ARSF: variants seen among roughly 807,000 people sequenced by gnomAD.
The protein encoded by ARSF is arylsulfatase F.
A neutral mutation model predicts 35.4 loss-of-function variants in ARSF; 33 were observed. The ratio of observed to expected loss-of-function variants is 0.93; its 90% CI spans 0.71 to 1.25. ARSF has a LOEUF of 1.25. Among genes scored for constraint, ARSF ranks in the 50% most tolerant of loss-of-function variants. The pLI, the probability that ARSF is intolerant of heterozygous loss-of-function variation, is 0.00. For synonymous variants in ARSF, 222 were observed against 193.1 expected (o/e 1.15, Z -1.24); for missense variants, 501 against 480.2 (o/e 1.04, Z -0.40).
At chrX:3,065,075 C>T (rs1182464349) in intron 1 of ARSF, among the ~76,000 whole-genome samples, 3 of 111,372 alleles carry the variant, frequency 2.7e-5, no homozygotes, top group Non-Finnish European at 5.6e-5. Context: ...GAAAACCTGG[C>T]ACATAGACAC....
intron 1 of ARSF, among the ~76,000 whole-genome samples, chrX:3,044,428 G>C (rs2089966933): frequency 9.0e-6 from 1 of 111,461 alleles, no homozygotes. Flanking sequence ...AAGGGTCAAG[G>C]TGACAGCCTT....
At chrX:3,071,877 G>C (rs1380287991) in intron 2 of ARSF, 149 bp from the exon 3 acceptor site, 6 of 535,629 alleles carry the variant, frequency 1.1e-5, no homozygotes, top group South Asian at 3.1e-5. Flanking sequence ...AGCAGTGCTC[G>C]GTGCTTGGAG....
rs1194079332 is a variant in ARSF, at chrX:3,102,837, A to G, written c.1103-925A>G. On this transcript the variant is annotated intron_variant, in intron 8 of 10. Transcript: ENST00000381127. ...TGAGGCAGGAGAATGGCGTGAACCC[A>G]GGAGGCGGAGGTTGCAGTGAGCCGC... Among the ~76,000 whole-genome samples the G allele has an allele frequency of 1.9e-4, 21 of 110,359 alleles. No individual in the cohort carries two copies. The East Asian group carries it at 2.0e-3, about 11-fold the overall frequency.
rs1330167136 is a variant in ARSF, at chrX:3,084,534, G to T, written c.698G>T (p.Trp233Leu). The T allele has an allele frequency of 8.3e-7, 1 of 1,211,540 alleles. No individual in the cohort carries two copies. Among genetic ancestry groups the T allele is most frequent in the Admixed American group, 2.2e-5 (1 of 45,944 alleles). Residue 233 changes from tryptophan (W) to leucine (L), a missense_variant, in exon 6 of 11, where the codon TGG becomes TTG. Trp to Leu is a moderately conservative substitution (Grantham distance 61). Transcript: ENST00000381127. ...TTTATTTTCCTCTTGGGCTATGCTT[G>T]GTTCTCCAGCCACACGTCCCCTTTA... Reference protein sequence around the residue: ...ILFIFLLGYAWFSSHTSPLYW... With the variant: ...ILFIFLLGYALFSSHTSPLYW...
intron 1 of ARSF, among the ~76,000 whole-genome samples, chrX:3,067,153 TGTGC>T (rs1569134646): frequency 1.7e-4 from 18 of 106,861 alleles, no homozygotes; most frequent in African/African-American, 5.1e-4. Context: ...TGTGTGTGAG[TGTGC>T]GTGCGTGTGT....
In ARSF at chrX:3,080,945, G is replaced by T. The variant is rs965998855; in HGVS notation, c.338G>T (p.Gly113Val). 2 of 1,211,566 alleles carry T rather than the reference G, an allele frequency of 1.7e-6. No homozygotes were observed. The highest frequency in any genetic ancestry group is 5.9e-5 in the East Asian group (2 of 33,842). ...ATCCAAAATCTTGCAGTCCCCGCAG[G>T]CCTCCCTCTTAATGAGACAACACTT... ...RVIQNLAVPA[G>V]LPLNETTLAA... The change falls in exon 5 of 11, where the codon GGC (glycine) becomes GTC (valine). Residue 113 changes from glycine (G) to valine (V), a missense_variant. Gly to Val is a moderately radical substitution (Grantham distance 109). Transcript: ENST00000381127.
intron 4 of ARSF, among the ~76,000 whole-genome samples, chrX:3,079,589 CT>C (rs2090181859): frequency 9.1e-6 from 1 of 109,584 alleles, no homozygotes; most frequent in South Asian, 4.0e-4. Context: ...GGTAATCCCC[CT>C]GCCTTGTCCT....
At chrX:3,103,965 C>T in intron 9 of ARSF, 41 bp downstream of exon 9, 1 of 1,174,531 alleles carries the variant, frequency 8.5e-7, no homozygotes. Flanking sequence ...TATTTTCACC[C>T]TTCTTCCTTC....
chrX:3,061,331 C>T (rs1253239031), intron 1 of ARSF, among the ~76,000 whole-genome samples: 3 of 111,396 alleles, frequency 2.7e-5, no homozygotes, highest in Non-Finnish European at 5.6e-5. Context: ...ACAACCAGTA[C>T]CAGCCACTGC....
chrX:3,049,400 T>C (rs1344300776), intron 1 of ARSF, among the ~76,000 whole-genome samples: 1 of 111,566 alleles, frequency 9.0e-6, no homozygotes, highest in Non-Finnish European at 1.9e-5. Context: ...ATCTGCAAGT[T>C]TGCGTAAACA....
chrX:3,075,720 C>T (rs1295046519), intron 3 of ARSF, among the ~76,000 whole-genome samples: 1 of 107,309 alleles, frequency 9.3e-6, no homozygotes, highest in African/African-American at 3.4e-5. Flanking sequence ...TCTCTGTCTG[C>T]TTGTCTCTCT....
intron 4 of ARSF, 56 bp downstream of exon 4, chrX:3,076,725 A>G (rs1479130508): frequency 3.0e-5 from 35 of 1,180,287 alleles, no homozygotes; most frequent in Non-Finnish European, 3.6e-5. Context: ...ATGTGAGGAA[A>G]CAAAAATGTG....
At chrX:3,098,032 TAC>T (rs769385143) in intron 7 of ARSF, among the ~76,000 whole-genome samples, 1 of 76,598 alleles carries the variant, frequency 1.3e-5, no homozygotes, top group Non-Finnish European at 2.4e-5. Context: ...TATATATATA[TAC>T]ACATACACAC....
At chrX:3,048,470 G>A (rs755015414) in intron 1 of ARSF, among the ~76,000 whole-genome samples, 5 of 111,575 alleles carry the variant, frequency 4.5e-5, no homozygotes, top group South Asian at 3.8e-4. Context: ...ACAGATTCAC[G>A]GAGCCAGCCT....
At chrX:3,089,407 G>A (rs2090272054) in intron 6 of ARSF, 89 bp from the exon 7 acceptor site, 47 of 1,037,998 alleles carry the variant, frequency 4.5e-5, no homozygotes, top group Non-Finnish European at 5.9e-5. Flanking sequence ...GAAGAAGGAA[G>A]CAGGTCATGT....
At position 3,080,968 on chromosome X, in the gene ARSF, CT is replaced by C. The variant is rs772377819; in HGVS notation, c.363del (p.Ala122GlnfsTer4). 3.5e-4 allele frequency: 425 copies of C among 1,210,092 alleles called. No homozygotes were observed. The highest frequency in any genetic ancestry group is 4.6e-4 in the Non-Finnish European group (411 of 895,183). ...PAGLPLNETTLAALLKKQGYS... is the reference protein window; with the variant it reads ...PAGLPLNETTXAALLKKQGYS... ...AGGCCTCCCTCTTAATGAGACAACA[CT>C]TGCAGCCTTGCTAAAGAAGCAAGGA... On this transcript the variant is annotated frameshift_variant, in exon 5 of 11. Coordinates refer to ENST00000381127, the MANE Select transcript of ARSF (RefSeq NM_001201539.2). LOFTEE classifies it high-confidence loss of function.
chrX:3,051,664 G>A (rs778591191), intron 1 of ARSF, among the ~76,000 whole-genome samples: 7 of 111,495 alleles, frequency 6.3e-5, no homozygotes, highest in Non-Finnish European at 1.3e-4. Context: ...TGGCAAAGTT[G>A]GAGATGGTGT....
At chrX:3,072,252 G>A (rs1603464369) in intron 3 of ARSF, 77 bp downstream of exon 3, 1 of 1,034,050 alleles carries the variant, frequency 9.7e-7, no homozygotes, top group East Asian at 3.2e-5. Context: ...CTGCATCTAT[G>A]TGCAAAACCA....
Position 3,103,777 on chromosome X carries a change from G to A in ARSF, c.1118G>A (p.Gly373Glu), listed in dbSNP as rs187838624. ...TGTCTTATAGGTGGAAAAGGCATGG[G>A]GGGCTGGGAAGGTGGAATCCGCGTC... Reference protein sequence around the residue: ...NGIYKGGKGMGGWEGGIRVPG... With the variant: ...NGIYKGGKGMEGWEGGIRVPG... Residue 373 changes from glycine (G) to glutamate (E), a missense_variant, in exon 9 of 11, where the codon GGG (glycine) becomes GAG (glutamate). By Grantham distance (98) the Gly-to-Glu change is moderately conservative. Transcript: ENST00000381127. 53 of 1,209,530 alleles carry A rather than the reference G, an allele frequency of 4.4e-5. No homozygotes were observed. The East Asian group carries it at 6.2e-4, about 14-fold the overall frequency.
Sources: allele counts gnomAD v4.1 joint callset (sites outside exome capture counted in the v4.1 genomes callset), GRCh38; gene constraint gnomAD v4.1.1; transcripts MANE v1.5; gene names NCBI Gene and HGNC (gene_info 2026-07-23, HGNC 2026-07-21).